The following GAB2 variants were observed in gnomAD, a reference collection of about 807,000 sequenced individuals.
GAB2 encodes GRB2-associated-binding protein 2.
Under a neutral mutation model 65.5 loss-of-function variants are expected in GAB2, and 26 were observed. That is an observed-to-expected ratio of 0.40 (90% CI 0.29 to 0.55). The LOEUF (loss-of-function observed/expected upper bound fraction) is 0.55, where lower values mean the gene tolerates loss of function less well. GAB2 is among the 20% of genes least tolerant of loss of function. The probability of loss-of-function intolerance (pLI) is 0.53; values close to 1 mark genes in which losing one functional copy is unlikely to be tolerated. For missense variants in GAB2, 884 were observed against 875.8 expected (o/e 1.01, Z -0.12); for synonymous variants, 321 against 329.6 (o/e 0.97, Z 0.28).
chr11:78,399,275 C>G (rs1269948177), intron 1 of GAB2, among the ~76,000 whole-genome samples: 1 of 152,078 alleles, frequency 6.6e-6, no homozygotes, highest in Non-Finnish European at 1.5e-5. Context: ...ACTGATAGCC[C>G]AATGTGAGAA....
chr11:78,291,634 C>T (rs1485300873), intron 1 of GAB2, among the ~76,000 whole-genome samples: 2 of 126,154 alleles, frequency 1.6e-5, no homozygotes, highest in Non-Finnish European at 3.1e-5. Context: ...TGCAGTGGCG[C>T]AAACATGGCT....
rs764584872 is a variant in GAB2, at chr11:78,221,685, C to T, written c.1753G>A (p.Val585Ile). 1.9e-6 allele frequency: 3 copies of T among 1,609,070 alleles called. No homozygotes were observed. The highest frequency in any genetic ancestry group is 1.1e-5 in the South Asian group (1 of 90,974). ...TDSGDSEENY[V>I]PMQNPVSASP... ...AAGCCCGAAGGACTCACCATAGGGA[C>T]ATAGTTCTCTTCGCTGTCTCCTGAG... is the stretch of plus-strand genomic sequence containing the variant. The change falls in exon 8 of 10, where the codon GTC (valine) becomes ATC (isoleucine). Residue 585 changes from valine to isoleucine, a missense_variant. Physicochemically the swap from Val to Ile is conservative, Grantham distance 29. Transcript: ENST00000361507.
At chr11:78,382,383 A>C (rs11237474) in intron 1 of GAB2, among the ~76,000 whole-genome samples, 1 of 142,766 alleles carries the variant, frequency 7.0e-6, no homozygotes, top group Non-Finnish European at 1.5e-5. Context: ...TTTTATTATT[A>C]TTTTTTTTTT....
chr11:78,401,568 T>C (rs984472743), intron 1 of GAB2, among the ~76,000 whole-genome samples: 1 of 149,920 alleles, frequency 6.7e-6, no homozygotes. Context: ...TTATTTAGCA[T>C]AATGTCATCA....
chr11:78,218,916 A>C lies in GAB2; in HGVS notation c.*356T>G. On this transcript the variant is annotated 3_prime_UTR_variant, in exon 10 of 10. Coordinates refer to ENST00000361507, the MANE Select transcript of GAB2 (RefSeq NM_080491.3). ...GGCTGTGACTGAACGTGAGGTGTGG[A>C]ATCTGGCTCAGAGCCCCAGCCCTTC... 1 of 208,864 alleles carries C rather than the reference A, an allele frequency of 4.8e-6. No homozygotes were observed. Among genetic ancestry groups the C allele is most frequent in the Admixed American group, 5.6e-5 (1 of 17,794 alleles). 12.9% of individuals were successfully genotyped at this position (208,864 alleles called of 1,614,324 possible).
intron 1 of GAB2, among the ~76,000 whole-genome samples, chr11:78,410,841 C>A (rs1366073721): frequency 6.6e-6 from 1 of 152,094 alleles, no homozygotes; most frequent in African/African-American, 2.4e-5. Context: ...AAGAATTATA[C>A]CAGTTCTACA....
intron 1 of GAB2, among the ~76,000 whole-genome samples, chr11:78,290,807 A>G (rs1565145102): frequency 2.6e-5 from 4 of 151,978 alleles, no homozygotes; most frequent in Non-Finnish European, 5.9e-5. Context: ...ACCAAATTTT[A>G]TTTTTTTTAG....
chr11:78,247,986 C>G (rs1354413247), intron 3 of GAB2, among the ~76,000 whole-genome samples: 1 of 152,184 alleles, frequency 6.6e-6, no homozygotes, highest in African/African-American at 2.4e-5. Flanking sequence ...ATGTGACTTC[C>G]TCAGCTGCGT....
chr11:78,300,567 ACT>A (rs1346699915), intron 1 of GAB2, among the ~76,000 whole-genome samples: 1 of 151,656 alleles, frequency 6.6e-6, no homozygotes, highest in African/African-American at 2.4e-5. Context: ...AAATTGTTGT[ACT>A]GTTTTTGCAG....
intron 1 of GAB2, among the ~76,000 whole-genome samples, chr11:78,358,170 T>C (rs1413566331): frequency 6.6e-6 from 1 of 151,582 alleles, no homozygotes; most frequent in Non-Finnish European, 1.5e-5. Context: ...CTGGAAACCA[T>C]CATTCTCAGT....
chr11:78,236,647 T>A (rs368737863), intron 3 of GAB2, among the ~76,000 whole-genome samples: 2 of 152,362 alleles, frequency 1.3e-5, no homozygotes, highest in South Asian at 2.1e-4. Context: ...CCTCAATTCA[T>A]AGTTTGCTAA....
At chr11:78,292,707 G>A (rs563685433) in intron 1 of GAB2, among the ~76,000 whole-genome samples, 31 of 152,336 alleles carry the variant, frequency 2.0e-4, no homozygotes, top group Non-Finnish European at 3.5e-4. Context: ...CACTTCCTGA[G>A]CGAGGAAAGG....
At chr11:78,357,449 A>G (rs548656924) in intron 1 of GAB2, among the ~76,000 whole-genome samples, 1 of 152,360 alleles carries the variant, frequency 6.6e-6, no homozygotes, top group Admixed American at 6.5e-5. Flanking sequence ...CTGTACAGCA[A>G]AAGACACTAC....
chr11:78,293,350 T>C (rs1866732063), intron 1 of GAB2, among the ~76,000 whole-genome samples: 1 of 152,204 alleles, frequency 6.6e-6, no homozygotes, highest in Non-Finnish European at 1.5e-5. Context: ...CAGCATTTAT[T>C]TAGCACAGGA....
In GAB2 at chr11:78,223,398, A is replaced by C. The variant is rs1237014077; in HGVS notation, c.1567+14T>G. On this transcript the variant is annotated intron_variant, in intron 6 of 9. Transcript: ENST00000361507. Reference sequence around the variant, plus strand: ...CACTGTCCAGAGATGGGACAGGGGAAAGAATGGACTTACCTTTCCGATCAG... The same window carrying C: ...CACTGTCCAGAGATGGGACAGGGGACAGAATGGACTTACCTTTCCGATCAG... 3.3e-6 allele frequency: 5 copies of C among 1,505,996 alleles called. No individual in the cohort carries two copies. The South Asian group carries it at 4.0e-5, about 12-fold the overall frequency. The allele number at this position is 1,505,996 out of a possible 1,614,324, so 93.3% of individuals were successfully genotyped here.
At chr11:78,356,321 A>G (rs1224555343) in intron 1 of GAB2, among the ~76,000 whole-genome samples, 3 of 152,156 alleles carry the variant, frequency 2.0e-5, no homozygotes, top group Non-Finnish European at 4.4e-5. Flanking sequence ...TGAGGGTGAG[A>G]GGTTAGTACT....
At chr11:78,252,306 A>C (rs1357021902) in intron 2 of GAB2, among the ~76,000 whole-genome samples, 2 of 152,238 alleles carry the variant, frequency 1.3e-5, no homozygotes, top group African/African-American at 2.4e-5. Context: ...ATTGACCCCC[A>C]AAATTAACTC....
intron 1 of GAB2, among the ~76,000 whole-genome samples, chr11:78,283,874 T>G (rs1279987693): frequency 6.6e-6 from 1 of 152,056 alleles, no homozygotes; most frequent in African/African-American, 2.4e-5. Context: ...CAATGCTCAG[T>G]TCTGAGATTC....
chr11:78,377,834 A>G (rs939006415), intron 1 of GAB2, among the ~76,000 whole-genome samples: 7 of 152,156 alleles, frequency 4.6e-5, no homozygotes, highest in Non-Finnish European at 8.8e-5. Flanking sequence ...TTTTCCCTCC[A>G]CCCTGCCAGA....
Sources: gnomAD v4.1 joint callset for allele counts (sites outside exome capture counted in the v4.1 genomes callset) on GRCh38, gnomAD v4.1.1 for gene constraint, MANE v1.5 for transcripts, NCBI Gene and HGNC (gene_info 2026-07-23, HGNC 2026-07-21) for gene names.